PXDNL: variants seen among roughly 807,000 people sequenced by gnomAD.
PXDNL encodes probable oxidoreductase PXDNL.
A neutral mutation model predicts 150.8 loss-of-function variants in PXDNL; 145 were observed. The ratio of observed to expected loss-of-function variants is 0.96; its 90% CI spans 0.84 to 1.10. The LOEUF (loss-of-function observed/expected upper bound fraction) is 1.10. PXDNL is among the 50% of genes least tolerant of loss of function. The pLI, the probability that PXDNL is intolerant of heterozygous loss-of-function variation, is 0.00. For missense variants in PXDNL, 2,087 were observed against 1,873.9 expected, an observed-to-expected ratio of 1.11 and a Z score of -2.10; for synonymous variants, 757 against 725.7, an observed-to-expected ratio of 1.04 and a Z score of -0.69.
intron 19 of PXDNL, among the ~76,000 whole-genome samples, chr8:51,359,527 G>A (rs1031314784): frequency 6.6e-6 from 1 of 151,450 alleles, no homozygotes; most frequent in African/African-American, 2.4e-5. Flanking sequence ...TTGGAGGGTA[G>A]ACCTAATGCT....
At chr8:51,683,132 T>G (rs1286219204) in intron 1 of PXDNL, among the ~76,000 whole-genome samples, 1 of 137,228 alleles carries the variant, frequency 7.3e-6, no homozygotes, top group African/African-American at 2.7e-5. Context: ...GGTTCCAATT[T>G]CTCCACATCC....
intron 21 of PXDNL, among the ~76,000 whole-genome samples, chr8:51,336,931 A>G (rs1273436733): frequency 6.6e-6 from 1 of 152,276 alleles, no homozygotes; most frequent in East Asian, 1.9e-4. Flanking sequence ...CACACCTTAG[A>G]TTATGGAGAG....
At chr8:51,335,086 G>A (rs982390231) in intron 21 of PXDNL, among the ~76,000 whole-genome samples, 1 of 152,120 alleles carries the variant, frequency 6.6e-6, no homozygotes, top group Non-Finnish European at 1.5e-5. Context: ...AAGTGAGGAG[G>A]CTGGATTTTC....
At chr8:51,322,888 T>G (rs1206783116) in intron 21 of PXDNL, among the ~76,000 whole-genome samples, 1 of 152,204 alleles carries the variant, frequency 6.6e-6, no homozygotes, top group Admixed American at 6.5e-5. Context: ...TCAATAGATA[T>G]ATTCAGTACC....
At chr8:51,724,954 C>T (rs1247023683) in intron 1 of PXDNL, among the ~76,000 whole-genome samples, 2 of 152,142 alleles carry the variant, frequency 1.3e-5, no homozygotes, top group Non-Finnish European at 2.9e-5. Context: ...TCACAGACTC[C>T]ACCTATTGTC....
intron 10 of PXDNL, among the ~76,000 whole-genome samples, chr8:51,450,901 G>T (rs570973315): frequency 2.6e-4 from 40 of 152,182 alleles, no homozygotes; most frequent in African/African-American, 8.7e-4. Flanking sequence ...CCCCCAGCCT[G>T]ATGTTCTTTC....
chr8:51,381,437 A>G (rs895254981), intron 17 of PXDNL, among the ~76,000 whole-genome samples: 3 of 152,134 alleles, frequency 2.0e-5, no homozygotes, highest in African/African-American at 7.2e-5. Context: ...TTTGTTAGGT[A>G]AGAACTAAAT....
At chr8:51,697,888 A>G (rs1816179274) in intron 1 of PXDNL, among the ~76,000 whole-genome samples, 1 of 152,268 alleles carries the variant, frequency 6.6e-6, no homozygotes, top group Non-Finnish European at 1.5e-5. Context: ...GTATCACAAT[A>G]AAATGAGTTA....
At chr8:51,649,664 T>A (rs1260562262) in intron 2 of PXDNL, among the ~76,000 whole-genome samples, 1 of 152,246 alleles carries the variant, frequency 6.6e-6, no homozygotes, top group African/African-American at 2.4e-5. Flanking sequence ...ATATATTTAG[T>A]ATTGCTAATT....
intron 4 of PXDNL, among the ~76,000 whole-genome samples, chr8:51,525,944 G>T (rs758633672): frequency 6.6e-6 from 1 of 152,220 alleles, no homozygotes; most frequent in Non-Finnish European, 1.5e-5. Context: ...AGAATACTGC[G>T]CTGTGTGTCA....
At chr8:51,676,755 C>G (rs1035233876) in intron 1 of PXDNL, among the ~76,000 whole-genome samples, 16 of 152,204 alleles carry the variant, frequency 1.1e-4, no homozygotes, top group African/African-American at 4.8e-5. Flanking sequence ...AGGACAGGTT[C>G]ATTTTCATAT....
chr8:51,728,238 CACAT>C (rs1816854274), intron 1 of PXDNL, among the ~76,000 whole-genome samples: 1 of 152,186 alleles, frequency 6.6e-6, no homozygotes, highest in African/African-American at 2.4e-5. Context: ...AAAAGTCTAG[CACAT>C]ACAGTTATGT....
At chr8:51,619,522 A>G (rs569284295) in intron 2 of PXDNL, among the ~76,000 whole-genome samples, 1 of 152,310 alleles carries the variant, frequency 6.6e-6, no homozygotes, top group East Asian at 1.9e-4. Context: ...GGAGGTGATT[A>G]GATCACGGGG....
intron 1 of PXDNL, among the ~76,000 whole-genome samples, chr8:51,711,312 A>G (rs913801536): frequency 2.0e-5 from 3 of 151,980 alleles, no homozygotes; most frequent in African/African-American, 7.3e-5. Context: ...TAATTTTTGT[A>G]TTTTCAGTAG....
chr8:51,705,152 G>T (rs754906257), intron 1 of PXDNL, among the ~76,000 whole-genome samples: 2 of 152,150 alleles, frequency 1.3e-5, no homozygotes, highest in Non-Finnish European at 2.9e-5. Flanking sequence ...TTGATTCTCA[G>T]GCATGGGGGG....
At chr8:51,721,840 T>C (rs2130917604) in intron 1 of PXDNL, 1 of 276,742 alleles carries the variant, frequency 3.6e-6, no homozygotes, top group Middle Eastern at 1.6e-3. Context: ...CAAGCTGGTT[T>C]ACAATGGTAA....
At chr8:51,780,287 T>A (rs2037397889) in intron 1 of PXDNL, among the ~76,000 whole-genome samples, 1 of 152,140 alleles carries the variant, frequency 6.6e-6, no homozygotes, top group Admixed American at 6.5e-5. Flanking sequence ...CCCAGTGATT[T>A]GCATGCACAA....
chr8:51,533,574 G>T (rs1279890431), intron 4 of PXDNL, among the ~76,000 whole-genome samples: 1 of 139,894 alleles, frequency 7.1e-6, no homozygotes, highest in African/African-American at 2.8e-5. Flanking sequence ...CTGCCATCTC[G>T]GCTCACTGCA....
chr8:51,458,843 A>G (rs560162334), intron 8 of PXDNL, among the ~76,000 whole-genome samples: 27 of 152,354 alleles, frequency 1.8e-4, no homozygotes, highest in African/African-American at 6.5e-4. Flanking sequence ...GACAATGGCC[A>G]TATTTGACTT....
Sources: gnomAD v4.1 joint callset for allele counts (sites outside exome capture counted in the v4.1 genomes callset) on GRCh38, gnomAD v4.1.1 for gene constraint, MANE v1.5 for transcripts, NCBI Gene and HGNC (gene_info 2026-07-23, HGNC 2026-07-21) for gene names.